Variants in CNTNAP2 observed in about 807,000 individuals in gnomAD.
The protein encoded by CNTNAP2 is contactin-associated protein-like 2.
Under a neutral mutation model 155.2 loss-of-function variants are expected in CNTNAP2, and 98 were observed. That is an observed-to-expected ratio of 0.63 (90% CI 0.54 to 0.75). CNTNAP2 has a LOEUF of 0.75. Among genes scored for constraint, CNTNAP2 ranks in the 30% least tolerant of loss-of-function variants. The pLI is 0.00. For missense variants in CNTNAP2, 1,727 were observed against 1,688.1 expected, an observed-to-expected ratio of 1.02 and a Z score of -0.40; for synonymous variants, 651 against 631.2, an observed-to-expected ratio of 1.03 and a Z score of -0.47.
chr7:148,253,759 C>T lies in CNTNAP2; in HGVS notation c.3382-13274C>T, dbSNP rs570578192. 1.3e-3 allele frequency among the ~76,000 whole-genome samples: 203 copies of T among 152,280 alleles called. 1 individual carries two copies. The highest frequency in any genetic ancestry group is 0.01 in the Middle Eastern group (3 of 294). ...GTGTACTACTGGGCAGGTGTAACTT[C>T]AGGGGCACACACAGCAGACATCCCC... On this transcript the variant is annotated intron_variant, in intron 20 of 23. Coordinates refer to ENST00000361727, the MANE Select transcript of CNTNAP2 (RefSeq NM_014141.6).
At chr7:147,324,264 G>A (rs1795410556) in intron 9 of CNTNAP2, among the ~76,000 whole-genome samples, 1 of 152,124 alleles carries the variant, frequency 6.6e-6, no homozygotes, top group South Asian at 2.1e-4. Context: ...TCTGATGCAT[G>A]CAAAGCACTC....
intron 11 of CNTNAP2, among the ~76,000 whole-genome samples, chr7:147,549,745 G>C (rs1799813595): frequency 6.6e-6 from 1 of 152,142 alleles, no homozygotes; most frequent in South Asian, 2.1e-4. Flanking sequence ...GAAGCAGTGG[G>C]CTCGATGTGT....
chr7:146,708,287 G>A (rs1801001205), intron 1 of CNTNAP2, among the ~76,000 whole-genome samples: 1 of 151,960 alleles, frequency 6.6e-6, no homozygotes, highest in South Asian at 2.1e-4. Flanking sequence ...CCGGAAGGAG[G>A]CCTTCAATGA....
intron 2 of CNTNAP2, among the ~76,000 whole-genome samples, chr7:146,824,335 T>C (rs1279956834): frequency 2.0e-5 from 3 of 152,114 alleles, no homozygotes; most frequent in East Asian, 1.9e-4. Context: ...ATAAATAGTG[T>C]TGTAACAAAC....
intron 14 of CNTNAP2, among the ~76,000 whole-genome samples, chr7:147,939,201 A>T (rs1212329877): frequency 6.6e-6 from 1 of 152,338 alleles, no homozygotes; most frequent in East Asian, 1.9e-4. Flanking sequence ...AAACCTAAAA[A>T]ATAGGGAAGA....
chr7:146,666,239 T>A (rs1288029865), intron 1 of CNTNAP2, among the ~76,000 whole-genome samples: 3 of 152,180 alleles, frequency 2.0e-5, no homozygotes, highest in Admixed American at 2.0e-4. Flanking sequence ...TGAGTGAGAA[T>A]ATGTAGTGTT....
chr7:146,223,703 C>T (rs1015016032), intron 1 of CNTNAP2, among the ~76,000 whole-genome samples: 1 of 152,150 alleles, frequency 6.6e-6, no homozygotes, highest in Admixed American at 6.5e-5. Context: ...TCCCGCTTTT[C>T]ACTTTTATTT....
intron 13 of CNTNAP2, among the ~76,000 whole-genome samples, chr7:147,664,881 A>G (rs543628273): frequency 2.0e-5 from 3 of 152,292 alleles, no homozygotes; most frequent in African/African-American, 7.2e-5. Flanking sequence ...ATACACTGCA[A>G]TGCCCTTGTA....
At chr7:146,742,538 T>C (rs1801737363) in intron 1 of CNTNAP2, among the ~76,000 whole-genome samples, 1 of 152,324 alleles carries the variant, frequency 6.6e-6, no homozygotes, top group Admixed American at 6.5e-5. Context: ...TCAACTCTTT[T>C]GAGAGATTAG....
intron 15 of CNTNAP2, among the ~76,000 whole-genome samples, chr7:148,006,564 C>T (rs1192414674): frequency 6.6e-6 from 1 of 150,652 alleles, no homozygotes; most frequent in Non-Finnish European, 1.5e-5. Context: ...AGTGATCTGC[C>T]TGCCTCGGCC....
At chr7:148,131,924 C>T (rs1804839405) in intron 16 of CNTNAP2, among the ~76,000 whole-genome samples, 1 of 151,988 alleles carries the variant, frequency 6.6e-6, no homozygotes, top group Non-Finnish European at 1.5e-5. Context: ...GGATAGATTA[C>T]TTGAAAAAGC....
intron 1 of CNTNAP2, among the ~76,000 whole-genome samples, chr7:146,737,626 T>C (rs973858754): frequency 6.6e-6 from 1 of 152,118 alleles, no homozygotes; most frequent in Non-Finnish European, 1.5e-5. Flanking sequence ...TGAGATCTCA[T>C]TGGGTTTTAA....
At chr7:148,220,287 A>G (rs2116762069) in intron 19 of CNTNAP2, among the ~76,000 whole-genome samples, 1 of 152,306 alleles carries the variant, frequency 6.6e-6, no homozygotes, top group South Asian at 2.1e-4. Flanking sequence ...TAATTTTAGT[A>G]GAGATGGGGT....
At chr7:148,195,261 AG>A (rs1243257459) in intron 18 of CNTNAP2, among the ~76,000 whole-genome samples, 3 of 152,236 alleles carry the variant, frequency 2.0e-5, no homozygotes, top group African/African-American at 7.2e-5. Context: ...GCTACAAAGT[AG>A]GTGTTTGGTA....
intron 15 of CNTNAP2, among the ~76,000 whole-genome samples, chr7:148,033,790 G>A (rs1339064427): frequency 6.6e-6 from 1 of 152,168 alleles, no homozygotes; most frequent in Non-Finnish European, 1.5e-5. Flanking sequence ...TACACACAGA[G>A]AGAGGCTTTG....
chr7:148,175,217 C>T (rs887723257), intron 18 of CNTNAP2, among the ~76,000 whole-genome samples: 3 of 152,160 alleles, frequency 2.0e-5, no homozygotes, highest in Non-Finnish European at 2.9e-5. Flanking sequence ...AATAAACATA[C>T]ATGTGCATGT....
chr7:146,958,407 GTTTTTTTTT>G (rs71165054), intron 3 of CNTNAP2, among the ~76,000 whole-genome samples: 18 of 78,058 alleles, frequency 2.3e-4, no homozygotes, highest in African/African-American at 8.5e-4. Context: ...CATTTTTATG[GTTTTTTTTT>G]TTTTTTTTTT....
At chr7:146,203,685 G>A (rs967671778) in intron 1 of CNTNAP2, among the ~76,000 whole-genome samples, 2 of 152,160 alleles carry the variant, frequency 1.3e-5, no homozygotes, top group African/African-American at 4.8e-5. Context: ...GGGGCAGAAA[G>A]TCCCAACCCT....
Position 147,865,164 on chromosome 7 carries a change from T to A in CNTNAP2, c.2099-38401T>A, listed in dbSNP as rs142067609. 3.3e-3 allele frequency among the ~76,000 whole-genome samples: 509 copies of A among 152,320 alleles called. 8 individuals carry two copies. The East Asian group carries it at 0.035, about 10-fold the overall frequency. ...GCTGTTGAATTTTGTCAAAGGCCTT[T>A]TCTGCATCTATTGAGATTATCATGT... is the stretch of plus-strand genomic sequence containing the variant. On this transcript the variant is annotated intron_variant, in intron 13 of 23. Coordinates refer to ENST00000361727, the MANE Select transcript of CNTNAP2 (RefSeq NM_014141.6).
Sources: gnomAD v4.1 joint callset for allele counts (sites outside exome capture counted in the v4.1 genomes callset) on GRCh38, gnomAD v4.1.1 for gene constraint, MANE v1.5 for transcripts, NCBI Gene and HGNC (gene_info 2026-07-23, HGNC 2026-07-21) for gene names.